COBLL1: variants seen among roughly 807,000 people sequenced by gnomAD.
COBLL1 encodes cordon-bleu WH2 repeat protein like 1.
A neutral mutation model predicts 94.8 loss-of-function variants in COBLL1; 50 were observed. The observed-to-expected ratio is 0.53, with a 90% CI of 0.42 to 0.67. The LOEUF is 0.67. COBLL1 is among the 30% of genes least tolerant of loss of function. The probability of loss-of-function intolerance (pLI) is 0.00; values close to 1 mark genes in which losing one functional copy is unlikely to be tolerated. For synonymous variants in COBLL1, 448 were observed against 473.8 expected (o/e 0.95, Z 0.71); for missense variants, 1,362 against 1,348.7 (o/e 1.01, Z -0.15).
chr2:164,710,085 C>A (rs1420032861), intron 7 of COBLL1, among the ~76,000 whole-genome samples: 1 of 152,020 alleles, frequency 6.6e-6, no homozygotes, highest in Non-Finnish European at 1.5e-5. Flanking sequence ...TTTATGAAGA[C>A]TCTTGGAAAA....
At position 164,694,571 on chromosome 2, in the gene COBLL1, G is replaced by A; in HGVS notation, c.2821C>T (p.Gln941Ter). ...GGAGGGGAGGCTTCAGCAGGAGCCT[G>A]ACCGATGACATCATCATCAGTTTTT... ...VEKTDDDVIG[Q>*]APAEASPPPI... The change falls in exon 12 of 14, where the codon CAG becomes TAG. Residue 941 changes from glutamine to a stop codon, truncating the protein, a stop_gained. Coordinates refer to ENST00000652658, the MANE Select transcript of COBLL1 (RefSeq NM_001365672.2). LOFTEE classifies it high-confidence loss of function. 6.2e-7 allele frequency: 1 copy of A among 1,613,908 alleles called. No homozygotes were observed. Among genetic ancestry groups the A allele is most frequent in the Non-Finnish European group, 8.5e-7 (1 of 1,179,896 alleles).
chr2:164,758,576 C>A (rs1687525830), intron 2 of COBLL1, among the ~76,000 whole-genome samples: 1 of 151,920 alleles, frequency 6.6e-6, no homozygotes, highest in Non-Finnish European at 1.5e-5. Flanking sequence ...GTGTTTGTTG[C>A]CTTGCAAGCA....
At chr2:164,739,127 T>C (rs927083116) in intron 3 of COBLL1, among the ~76,000 whole-genome samples, 1 of 152,098 alleles carries the variant, frequency 6.6e-6, no homozygotes, top group Non-Finnish European at 1.5e-5. Flanking sequence ...GGCAAGATAG[T>C]AGAGACATGG....
intron 1 of COBLL1, among the ~76,000 whole-genome samples, chr2:164,667,559 T>A (rs183431202): frequency 6.6e-6 from 1 of 152,374 alleles, no homozygotes; most frequent in East Asian, 1.9e-4. Flanking sequence ...AATCTAGATC[T>A]TCTGCATAGC....
At chr2:164,687,517 A>C in intron 13 of COBLL1, 7 of 1,407,426 alleles carry the variant, frequency 5.0e-6, no homozygotes, top group Non-Finnish European at 7.0e-6. Context: ...GCGGACGGAC[A>C]TGGTAACTTG....
chr2:164,694,466 C>T lies in COBLL1; in HGVS notation c.2926G>A (p.Ala976Thr). 6.2e-7 allele frequency: 1 copy of T among 1,613,968 alleles called. No individual in the cohort carries two copies. The highest frequency in any genetic ancestry group is 1.1e-5 in the South Asian group (1 of 91,080). Residue 976 changes from alanine (A) to threonine (T), a missense_variant, in exon 12 of 14, where the codon GCC (alanine) becomes ACC (threonine). Physicochemically the swap from Ala to Thr is moderately conservative, Grantham distance 58. Coordinates refer to ENST00000652658, the MANE Select transcript of COBLL1 (RefSeq NM_001365672.2). ...CCAGAACTTGAGTATGGTCGTGGGG[C>T]ACCAAAAGTTTTCAAAGTCTTCAGA... ...QNLKTLKTFG[A>T]PRPYSSSGPS... is the part of the protein sequence containing the mutation.
chr2:164,721,638 C>G (rs991056992), intron 7 of COBLL1, among the ~76,000 whole-genome samples: 1 of 152,098 alleles, frequency 6.6e-6, no homozygotes, highest in African/African-American at 2.4e-5. Context: ...GAATCTGAGT[C>G]AGGTCAAGAA....
chr2:164,704,943 C>T lies in COBLL1; in HGVS notation c.1150+9G>A. 5 of 1,560,648 alleles carry T rather than the reference C, an allele frequency of 3.2e-6. No homozygotes were observed. Among genetic ancestry groups the T allele is most frequent in the Non-Finnish European group, 4.3e-6 (5 of 1,156,458 alleles). On this transcript the variant is annotated intron_variant, in intron 8 of 13. Transcript: ENST00000652658. ...TACAAATGTAATGTTAATGAAACAA[C>T]CACATTACCAGTCACACGACTATTT...
chr2:164,709,673 C>T lies in COBLL1; in HGVS notation c.997-4568G>A, dbSNP rs200447695. On this transcript the variant is annotated intron_variant, in intron 7 of 13. Coordinates refer to ENST00000652658, the MANE Select transcript of COBLL1 (RefSeq NM_001365672.2). Reference sequence around the variant, plus strand: ...GTGGAGGTGCAGTAAGCCAAGATTGCGCCACTGCACTCCAGCCTAGGCAAC... The same window carrying T: ...GTGGAGGTGCAGTAAGCCAAGATTGTGCCACTGCACTCCAGCCTAGGCAAC... 7.9e-5 allele frequency among the ~76,000 whole-genome samples: 12 copies of T among 152,010 alleles called. No homozygotes were observed. In the East Asian group the frequency reaches 2.1e-3, roughly 27 times the overall value.
At chr2:164,736,083 T>C (rs1686292103) in intron 3 of COBLL1, among the ~76,000 whole-genome samples, 1 of 152,238 alleles carries the variant, frequency 6.6e-6, no homozygotes, top group Non-Finnish European at 1.5e-5. Flanking sequence ...AAAGCTCTTC[T>C]TTGAAATGAA....
chr2:164,703,281 G>T, intron 9 of COBLL1: 1 of 1,017,170 alleles, frequency 9.8e-7, no homozygotes, highest in Non-Finnish European at 1.5e-6. Flanking sequence ...GGCAAGCAGA[G>T]ACCAAGAAGC....
chr2:164,716,712 T>C (rs973262916), intron 7 of COBLL1, among the ~76,000 whole-genome samples: 2 of 152,200 alleles, frequency 1.3e-5, no homozygotes, highest in African/African-American at 4.8e-5. Flanking sequence ...CTTTGGAAAC[T>C]GCACAGTTAG....
intron 2 of COBLL1, among the ~76,000 whole-genome samples, chr2:164,829,176 T>C (rs1044560613): frequency 4.6e-5 from 7 of 152,208 alleles, no homozygotes; most frequent in African/African-American, 9.6e-5. Flanking sequence ...CAATCAGATA[T>C]GGTACTTTTG....
intron 1 of COBLL1, among the ~76,000 whole-genome samples, chr2:164,672,552 A>G (rs1332926562): frequency 6.7e-6 from 1 of 149,376 alleles, no homozygotes; most frequent in African/African-American, 2.5e-5. Flanking sequence ...CAAAAAAATT[A>G]GCCGGGCGCG....
At chr2:164,738,871 G>T (rs1303417450) in intron 3 of COBLL1, among the ~76,000 whole-genome samples, 4 of 152,058 alleles carry the variant, frequency 2.6e-5, no homozygotes, top group African/African-American at 4.8e-5. Context: ...TGAGATTTTG[G>T]ATTTGGTATA....
At chr2:164,781,509 C>T in intron 2 of COBLL1, among the ~76,000 whole-genome samples, 1 of 152,176 alleles carries the variant, frequency 6.6e-6, no homozygotes, top group Admixed American at 6.5e-5. Flanking sequence ...TTGTAAAGTG[C>T]TGCTGAGGTG....
chr2:164,818,647 A>C (rs148274488), intron 2 of COBLL1, among the ~76,000 whole-genome samples: 1,642 of 147,258 alleles, frequency 0.011, 52 homozygotes, highest in Middle Eastern at 0.036. Context: ...TACATATGTA[A>C]ACATATATAG....
intron 2 of COBLL1, among the ~76,000 whole-genome samples, chr2:164,804,980 C>A (rs1248766324): frequency 6.6e-6 from 1 of 152,022 alleles, no homozygotes; most frequent in Non-Finnish European, 1.5e-5. Flanking sequence ...CTAGTGCTTT[C>A]TTTCTCATGC....
intron 2 of COBLL1, among the ~76,000 whole-genome samples, chr2:164,772,972 G>C (rs1688277413): frequency 8.2e-6 from 1 of 121,848 alleles, no homozygotes; most frequent in Non-Finnish European, 1.8e-5. Context: ...CCATGCTGAC[G>C]GAGTTAATAT....
Sources: allele counts gnomAD v4.1 joint callset (sites outside exome capture counted in the v4.1 genomes callset), GRCh38; gene constraint gnomAD v4.1.1; transcripts MANE v1.5; gene names NCBI Gene and HGNC (gene_info 2026-07-23, HGNC 2026-07-21).